Variants in KPNA5 observed in about 807,000 individuals in gnomAD.
The protein encoded by KPNA5 is importin subunit alpha-6.
Under a neutral mutation model 71.3 loss-of-function variants are expected in KPNA5, and 46 were observed. The ratio of observed to expected loss-of-function variants is 0.65; its 90% CI spans 0.51 to 0.83. The LOEUF is 0.83. Among genes scored for constraint, KPNA5 ranks in the 40% least tolerant of loss-of-function variants. The probability of loss-of-function intolerance (pLI) is 0.00; values close to 1 mark genes in which losing one functional copy is unlikely to be tolerated. For synonymous variants in KPNA5, 207 were observed against 201.4 expected (o/e 1.03, Z -0.24); for missense variants, 547 against 628.3 (o/e 0.87, Z 1.38).
chr6:116,692,113 C>T lies in KPNA5; in HGVS notation c.197C>T (p.Pro66Leu). ...AATGATGAATCTATGCTTGAAAGTCCTATACAGGATCCAGATATTAGTTCC... is the reference window on the plus strand; with the variant it reads ...AATGATGAATCTATGCTTGAAAGTCTTATACAGGATCCAGATATTAGTTCC... Reference protein sequence around the residue: ...PRNDESMLESPIQDPDISSTV... With the variant: ...PRNDESMLESLIQDPDISSTV... Residue 66 changes from proline to leucine, a missense_variant, in exon 3 of 14, where the codon CCT becomes CTT. By Grantham distance (98) the Pro-to-Leu change is moderately conservative. Coordinates refer to ENST00000368564, the MANE Select transcript of KPNA5 (RefSeq NM_001366306.2). The T allele has an allele frequency of 1.2e-6, 2 of 1,612,644 alleles. No individual in the cohort carries two copies. Among genetic ancestry groups the T allele is most frequent in the Non-Finnish European group, 1.7e-6 (2 of 1,179,018 alleles).
chr6:116,701,292 A>G (rs1022084414), intron 5 of KPNA5, among the ~76,000 whole-genome samples: 4 of 152,276 alleles, frequency 2.6e-5, no homozygotes, highest in African/African-American at 7.2e-5. Context: ...TTTTTAAACT[A>G]TATTCACTGC....
chr6:116,726,659 A>T, intron 12 of KPNA5, 37 bp downstream of exon 12: 1 of 1,469,254 alleles, frequency 6.8e-7, no homozygotes, highest in South Asian at 1.4e-5. Flanking sequence ...TTTACATGTA[A>T]ATGAGACAAA....
chr6:116,686,657 A>C (rs1189810523), intron 1 of KPNA5, among the ~76,000 whole-genome samples: 1 of 152,194 alleles, frequency 6.6e-6, no homozygotes, highest in Non-Finnish European at 1.5e-5. Context: ...GTTGTCTTCC[A>C]GAGTTTTTAT....
intron 1 of KPNA5, chr6:116,681,560 C>A (rs1777356762): frequency 7.6e-7 from 1 of 1,314,030 alleles, no homozygotes. Context: ...GTGGTGAGTT[C>A]AGATTCTTTC....
chr6:116,695,079 T>G (rs1339621834), intron 4 of KPNA5, among the ~76,000 whole-genome samples: 1 of 152,034 alleles, frequency 6.6e-6, no homozygotes, highest in Non-Finnish European at 1.5e-5. Flanking sequence ...GCTTCCTGAG[T>G]AGCTAGGACG....
chr6:116,695,166 C>A lies in KPNA5; in HGVS notation c.340+2774C>A, dbSNP rs143560010. ...TCATATTGCCCAGGCTGGTCTCAAA[C>A]TCTCCTCCCACGTTTGCCTGCCAAA... On this transcript the variant is annotated intron_variant, in intron 4 of 13. Transcript: ENST00000368564. Among the ~76,000 whole-genome samples, 4 of 152,168 alleles carry A rather than the reference C, an allele frequency of 2.6e-5. No homozygotes were observed. In the East Asian group the frequency reaches 7.7e-4, roughly 29 times the overall value.
chr6:116,693,024 T>C (rs985583109), intron 4 of KPNA5, among the ~76,000 whole-genome samples: 1 of 152,190 alleles, frequency 6.6e-6, no homozygotes, highest in African/African-American at 2.4e-5. Context: ...CTGAGAATGA[T>C]GGTTTCCAGC....
chr6:116,709,515 C>G (rs1778571795), intron 7 of KPNA5, among the ~76,000 whole-genome samples: 2 of 152,130 alleles, frequency 1.3e-5, no homozygotes, highest in Non-Finnish European at 2.9e-5. Flanking sequence ...CATGGTAAGA[C>G]TCCATCTCTA....
At chr6:116,722,089 G>A (rs1170892461) in intron 8 of KPNA5, 37 bp from the exon 9 acceptor site, 1 of 1,437,412 alleles carries the variant, frequency 7.0e-7, no homozygotes, top group Non-Finnish European at 9.3e-7. Context: ...GTTTTAAATA[G>A]AGAAAAAATT....
chr6:116,687,999 C>A (rs1375627935), intron 1 of KPNA5, among the ~76,000 whole-genome samples: 1 of 152,156 alleles, frequency 6.6e-6, no homozygotes, highest in African/African-American at 2.4e-5. Flanking sequence ...TTCTGCCATG[C>A]ATCCTCATTT....
intron 6 of KPNA5, among the ~76,000 whole-genome samples, chr6:116,703,451 T>C (rs971567107): frequency 2.6e-5 from 4 of 152,006 alleles, no homozygotes; most frequent in African/African-American, 9.7e-5. Context: ...CTAATAGAGA[T>C]GGTGTTTCAC....
chr6:116,700,065 A>G (rs67209301), intron 5 of KPNA5, among the ~76,000 whole-genome samples: 27,793 of 152,128 alleles, frequency 0.18, 2,711 homozygotes, highest in East Asian at 0.3. Flanking sequence ...TAAGTTTAAG[A>G]CTTCACAAAG....
In KPNA5 at chr6:116,702,037, T is replaced by C. The variant is rs1246030428; in HGVS notation, c.454T>C (p.Leu152=). The C allele has an allele frequency of 1.9e-6, 3 of 1,613,010 alleles. No homozygotes were observed. The highest frequency in any genetic ancestry group is 3.3e-4 in the Middle Eastern group (2 of 6,058). Residue 152 remains leucine (L), a synonymous_variant, in exon 6 of 14, where the codon TTA becomes CTA. Coordinates refer to ENST00000368564, the MANE Select transcript of KPNA5 (RefSeq NM_001366306.2). ...TTCTTAGTTTGAAGCTGCATGGGCA[T>C]TAACAAATATAGCATCTGGAACTTT... ...CTLQFEAAWA[L]TNIASGTFLH... is the part of the protein sequence containing the mutation.
Position 116,716,732 on chromosome 6 carries a change from GATTA to G in KPNA5, c.756+422_756+425del, listed in dbSNP as rs1778902335. On this transcript the variant is annotated intron_variant, in intron 8 of 13. Coordinates refer to ENST00000368564, the MANE Select transcript of KPNA5 (RefSeq NM_001366306.2). ...ATATTTTGCCTCTAGAAATACAGATGATTAATTAATTCCCAGTTTAGTTGTATTG... is the reference window on the plus strand; with the variant it reads ...ATATTTTGCCTCTAGAAATACAGATGATTAATTCCCAGTTTAGTTGTATTG... Among the ~76,000 whole-genome samples, 4 of 152,260 alleles carry G rather than the reference GATTA, an allele frequency of 2.6e-5. No homozygotes were observed. The South Asian group carries it at 8.3e-4, about 32-fold the overall frequency.
intron 1 of KPNA5, among the ~76,000 whole-genome samples, chr6:116,683,303 T>C (rs572628070): frequency 6.6e-6 from 1 of 152,326 alleles, no homozygotes; most frequent in Non-Finnish European, 1.5e-5. Context: ...ATGTAGGATG[T>C]GTGATTGAAA....
chr6:116,691,420 C>A (rs1165378), intron 2 of KPNA5, among the ~76,000 whole-genome samples: 151,815 of 152,220 alleles, frequency 1, 75,707 homozygotes, highest in East Asian at 1. Flanking sequence ...TGCTTGGCTT[C>A]TTATTTTTTA....
At chr6:116,728,830 C>T (rs1562456440) in intron 12 of KPNA5, among the ~76,000 whole-genome samples, 1 of 152,050 alleles carries the variant, frequency 6.6e-6, no homozygotes, top group Non-Finnish European at 1.5e-5. Flanking sequence ...CACAGCCTGG[C>T]TTCATAGTAT....
intron 2 of KPNA5, 91 bp downstream of exon 2, chr6:116,689,544 T>C: frequency 9.0e-7 from 1 of 1,108,698 alleles, no homozygotes; most frequent in Non-Finnish European, 1.2e-6. Context: ...TTTTAAGAAA[T>C]TGAATATAGC....
chr6:116,698,266 G>A (rs1562434774), intron 4 of KPNA5, among the ~76,000 whole-genome samples: 2 of 151,780 alleles, frequency 1.3e-5, no homozygotes, highest in African/African-American at 4.8e-5. Context: ...AATAATTCAC[G>A]GACAAAAAAG....
Sources: gnomAD v4.1 joint callset for allele counts (sites outside exome capture counted in the v4.1 genomes callset) on GRCh38, gnomAD v4.1.1 for gene constraint, MANE v1.5 for transcripts, NCBI Gene and HGNC (gene_info 2026-07-23, HGNC 2026-07-21) for gene names.